The following SRCIN1 variants were observed in gnomAD, a reference collection of about 807,000 sequenced individuals.
The protein encoded by SRCIN1 is SRC kinase signaling inhibitor 1.
SRCIN1 carries 50 observed loss-of-function variants against 116.2 expected under a neutral mutation model. That is an observed-to-expected ratio of 0.43 (90% CI 0.34 to 0.54). The LOEUF is 0.54. Among genes scored for constraint, SRCIN1 ranks in the 20% least tolerant of loss-of-function variants. The pLI is 0.02. For synonymous variants in SRCIN1, 736 were observed against 750.0 expected, an observed-to-expected ratio of 0.98 and a Z score of 0.30; for missense variants, 1,446 against 1,672.0, an observed-to-expected ratio of 0.86 and a Z score of 2.36.
In SRCIN1 at chr17:38,602,204, C is replaced by A. The variant is rs1735790291; in HGVS notation, c.22+3480G>T. 1 of 152,280 alleles carries A rather than the reference C, an allele frequency of 6.6e-6. No homozygotes were observed. Among genetic ancestry groups the A allele is most frequent in the African/African-American group, 2.4e-5 (1 of 41,404 alleles). The allele number at this position is 152,280 out of a possible 1,614,324, so 9.4% of individuals were successfully genotyped here. ...AACTCAGTCCTCCCTCCTTCACTGC[C>A]TCCCTCCCTTCCTCCCTCGGGGCAG... On this transcript the variant is annotated intron_variant, in intron 1 of 18. Transcript: ENST00000617146. The surrounding 1 kb of genome is among the most constrained non-coding windows in gnomAD (Gnocchi z 4.2).
chr17:38,588,616 G>C (rs906098584), intron 1 of SRCIN1, among the ~76,000 whole-genome samples: 2 of 152,232 alleles, frequency 1.3e-5, no homozygotes, highest in African/African-American at 4.8e-5. Flanking sequence ...GGGCACTCCA[G>C]CCTGAGTGCT....
chr17:38,578,618 C>G lies in SRCIN1; in HGVS notation c.196G>C (p.Glu66Gln). The change falls in exon 2 of 19, where the codon GAG (glutamate) becomes CAG (glutamine). Residue 66 changes from glutamate to glutamine, a missense_variant. Coordinates refer to ENST00000617146, the MANE Select transcript of SRCIN1 (RefSeq NM_025248.3). ...GCCTTCTGGAGCCCGCTGAGCGCCT[C>G]CAGACTCTGGGCCGCGATCACCGTG... ...RHTVIAAQSL[E>Q]ALSGLQKADA... is the part of the protein sequence containing the mutation. The G allele has an allele frequency of 2.5e-6, 4 of 1,609,180 alleles. No homozygotes were observed. The highest frequency in any genetic ancestry group is 3.4e-6 in the Non-Finnish European group (4 of 1,178,366).
rs1424265704 is a variant in SRCIN1, at chr17:38,552,509, C to G, written c.2418G>C (p.Gln806His). ...AGCGCTTGAGGAGCCCATCCAGGCG[C>G]TGGGGCTCCTCCTTCAGGAACTTCA... ...EAVKFLKEEP[Q>H]RLDGLLKRCR... The change falls in exon 13 of 19, where the codon CAG becomes CAC. Residue 806 changes from glutamine to histidine, a missense_variant. By Grantham distance (24) the Gln-to-His change is conservative (BLOSUM62 0). Transcript: ENST00000617146. The surrounding 1 kb of genome is among the most constrained non-coding windows in gnomAD (Gnocchi z 5.3). 2 of 1,604,932 alleles carry G rather than the reference C, an allele frequency of 1.2e-6. No homozygotes were observed. Among genetic ancestry groups the G allele is most frequent in the Non-Finnish European group, 1.7e-6 (2 of 1,176,046 alleles).
intron 1 of SRCIN1, among the ~76,000 whole-genome samples, chr17:38,580,448 C>T (rs901843962): frequency 7.2e-5 from 11 of 152,100 alleles, no homozygotes; most frequent in Admixed American, 6.5e-4. Context: ...GACCACCTGC[C>T]TCATGGCTGC....
chr17:38,597,558 T>G (rs1908788299), intron 1 of SRCIN1, among the ~76,000 whole-genome samples: 1 of 152,202 alleles, frequency 6.6e-6, no homozygotes, highest in Non-Finnish European at 1.5e-5. Flanking sequence ...GAAGCCAGTG[T>G]TAATGCTCTT....
chr17:38,538,672 T>C (rs559824759), intron 18 of SRCIN1, among the ~76,000 whole-genome samples: 103 of 152,294 alleles, frequency 6.8e-4, no homozygotes, highest in African/African-American at 2.4e-3. Context: ...TATTGATCTA[T>C]TCGACCTTCA....
intron 17 of SRCIN1, chr17:38,548,011 G>A (rs1038888094): frequency 2.6e-5 from 5 of 193,918 alleles, no homozygotes; most frequent in Non-Finnish European, 5.4e-5. Context: ...TCACCCCTTG[G>A]TCCCTTGCCA....
chr17:38,578,624 T>C lies in SRCIN1; in HGVS notation c.190A>G (p.Ser64Gly), dbSNP rs1907584755. ...ERRHTVIAAQSLEALSGLQKA... is the reference protein window; with the variant it reads ...ERRHTVIAAQGLEALSGLQKA... The stretch of plus-strand genomic sequence containing the variant: ...TGGAGCCCGCTGAGCGCCTCCAGAC[T>C]CTGGGCCGCGATCACCGTGTGCCGC... The change falls in exon 2 of 19, where the codon AGT becomes GGT. Residue 64 changes from serine to glycine, a missense_variant. By Grantham distance (56) the Ser-to-Gly change is moderately conservative. Transcript: ENST00000617146. 2.5e-6 allele frequency: 4 copies of C among 1,607,216 alleles called. No homozygotes were observed. The highest frequency in any genetic ancestry group is 3.4e-6 in the Non-Finnish European group (4 of 1,177,576).
At position 38,549,549 on chromosome 17, in the gene SRCIN1, G is replaced by C. The variant is rs560657118; in HGVS notation, c.2963-339C>G. On this transcript the variant is annotated intron_variant, in intron 15 of 18. Coordinates refer to ENST00000617146, the MANE Select transcript of SRCIN1 (RefSeq NM_025248.3). ...CTGGTTGAACAGATCCTGAGGTGACGGACACACATTCAAGTTAGAGAGGCG... is the reference window on the plus strand; with the variant it reads ...CTGGTTGAACAGATCCTGAGGTGACCGACACACATTCAAGTTAGAGAGGCG... Among the ~76,000 whole-genome samples, 248 of 152,236 alleles carry C rather than the reference G, an allele frequency of 1.6e-3. 2 individuals are homozygous for C. Among genetic ancestry groups the C allele is most frequent in the Non-Finnish European group, 2.9e-3 (199 of 67,998 alleles).
At chr17:38,551,738 T>C in intron 14 of SRCIN1, 148 bp downstream of exon 14, 13 of 1,312,348 alleles carry the variant, frequency 9.9e-6, no homozygotes, top group Non-Finnish European at 1.4e-5. Context: ...TCACCCTCAT[T>C]ATGCTTCTTA....
upstream of SRCIN1, among the ~76,000 whole-genome samples, chr17:38,606,171 G>A (rs1909360835): frequency 6.6e-6 from 1 of 151,610 alleles, no homozygotes; most frequent in South Asian, 2.1e-4. The surrounding 1 kb of genome is among the most constrained non-coding windows in gnomAD (Gnocchi z 5.2). Context: ...TCCTTCCCGC[G>A]CCACCTGCTT....
At chr17:38,596,207 G>A (rs1908721640) in intron 1 of SRCIN1, among the ~76,000 whole-genome samples, 1 of 152,228 alleles carries the variant, frequency 6.6e-6, no homozygotes, top group Non-Finnish European at 1.5e-5. Context: ...CTGGAGAGAG[G>A]AGGGGGCCGG....
At chr17:38,536,272 C>T (rs148404036) in intron 18 of SRCIN1, among the ~76,000 whole-genome samples, 1,704 of 152,380 alleles carry the variant, frequency 0.011, 12 homozygotes, top group Non-Finnish European at 0.016. Context: ...TGCCCGGTGA[C>T]CCCAGCCTGT....
At chr17:38,596,333 C>T (rs751424298) in intron 1 of SRCIN1, among the ~76,000 whole-genome samples, 61 of 152,206 alleles carry the variant, frequency 4.0e-4, no homozygotes, top group South Asian at 6.2e-4. Flanking sequence ...TTTGGGGCCC[C>T]CCAGGGCAGA....
intron 2 of SRCIN1, among the ~76,000 whole-genome samples, chr17:38,571,851 A>G (rs1907097456): frequency 6.6e-6 from 1 of 152,078 alleles, no homozygotes; most frequent in African/African-American, 2.4e-5. Flanking sequence ...GAGAAGAGGA[A>G]ACAGCTTCTT....
chr17:38,560,285 C>T, intron 8 of SRCIN1, 48 bp downstream of exon 8: 1 of 1,555,218 alleles, frequency 6.4e-7, no homozygotes, highest in South Asian at 1.2e-5. Context: ...CCCCTTCCTC[C>T]TGCTCCACCC....
intron 18 of SRCIN1, among the ~76,000 whole-genome samples, chr17:38,535,643 T>C (rs929355434): frequency 2.0e-5 from 3 of 152,180 alleles, no homozygotes; most frequent in Non-Finnish European, 4.4e-5. Context: ...GCCCTCTCTG[T>C]GCCCCCAGTA....
intron 1 of SRCIN1, among the ~76,000 whole-genome samples, chr17:38,583,950 A>C (rs1907968314): frequency 7.3e-6 from 1 of 137,464 alleles, no homozygotes; most frequent in African/African-American, 3.1e-5. Context: ...AGCCATCAGC[A>C]AGTCCTCGGA....
chr17:38,552,514 G>C lies in SRCIN1; in HGVS notation c.2413C>G (p.Pro805Ala), dbSNP rs769981970. 9.3e-6 allele frequency: 15 copies of C among 1,605,218 alleles called. No homozygotes were observed. In the South Asian group the frequency reaches 1.7e-4, roughly 18 times the overall value. Residue 805 changes from proline (P) to alanine (A), a missense_variant, in exon 13 of 19, where the codon CCC becomes GCC. Coordinates refer to ENST00000617146, the MANE Select transcript of SRCIN1 (RefSeq NM_025248.3). This position sits in a 1 kb window ranked among gnomAD's most constrained non-coding sequence, Gnocchi z 5.3. ...TTGAGGAGCCCATCCAGGCGCTGGGGCTCCTCCTTCAGGAACTTCACCGCC... is the reference window on the plus strand; with the variant it reads ...TTGAGGAGCCCATCCAGGCGCTGGGCCTCCTCCTTCAGGAACTTCACCGCC... ...VEAVKFLKEE[P>A]QRLDGLLKRC...
Sources: gnomAD v4.1 joint callset for allele counts (sites outside exome capture counted in the v4.1 genomes callset) on GRCh38, gnomAD v4.1.1 for gene constraint, Gnocchi (gnomAD v3.1) non-coding constraint, MANE v1.5 for transcripts, NCBI Gene and HGNC (gene_info 2026-07-23, HGNC 2026-07-21) for gene names.